The following PRKG1 variants were observed in gnomAD, a reference collection of about 807,000 sequenced individuals.
The protein encoded by PRKG1 is cGMP-dependent protein kinase 1.
PRKG1 carries 35 observed loss-of-function variants against 88.1 expected under a neutral mutation model. The observed-to-expected ratio is 0.40, with a 90% CI of 0.30 to 0.53. PRKG1 has a LOEUF of 0.53. Ranked by LOEUF, PRKG1 falls within the 20% of genes least tolerant of loss-of-function variation. The pLI is 0.59. For missense variants in PRKG1, 540 were observed against 839.8 expected (o/e 0.64, Z 4.41); for synonymous variants, 303 against 292.5 (o/e 1.04, Z -0.37).
intron 9 of PRKG1, among the ~76,000 whole-genome samples, chr10:52,222,258 C>A (rs1023641524): frequency 6.6e-6 from 1 of 152,154 alleles, no homozygotes; most frequent in Non-Finnish European, 1.5e-5. Context: ...CTGCCCCTCT[C>A]CTGCTGTTTG....
chr10:51,682,937 A>G (rs1589193135), intron 3 of PRKG1, among the ~76,000 whole-genome samples: 1 of 152,124 alleles, frequency 6.6e-6, no homozygotes. Flanking sequence ...TCTCTCTTCT[A>G]CCTCTGCAAC....
intron 2 of PRKG1, among the ~76,000 whole-genome samples, chr10:51,316,685 AAAATAAAT>A (rs139669190): frequency 7.3e-5 from 11 of 150,896 alleles, no homozygotes; most frequent in African/African-American, 2.7e-4. Context: ...TCCGTCTCAA[AAAATAAAT>A]AAATAAATAA....
intron 8 of PRKG1, 71 bp from the exon 9 acceptor site, chr10:52,161,818 A>G (rs991697613): frequency 1.6e-6 from 2 of 1,271,638 alleles, no homozygotes; most frequent in African/African-American, 1.5e-5. Flanking sequence ...TTGTTTCACT[A>G]TATCACTGAC....
intron 2 of PRKG1, among the ~76,000 whole-genome samples, chr10:51,275,081 T>C (rs1705600523): frequency 6.6e-6 from 1 of 152,184 alleles, no homozygotes; most frequent in Admixed American, 6.5e-5. Context: ...TGAAATTAAA[T>C]TCGATAGCCA....
rs779720584 is a variant in PRKG1 at position 50,991,545 on chromosome 10, C to G, written c.167C>G (p.Pro56Arg). Reference sequence around the variant, plus strand: ...CCAGTGCCCTCGACCCACATCGGCCCCCGGACCACCCGGGCGCAGGGCATC... The same window carrying G: ...CCAGTGCCCTCGACCCACATCGGCCGCCGGACCACCCGGGCGCAGGGCATC... The change falls in exon 1 of 18, where the codon CCC becomes CGC. Residue 56 changes from proline to arginine, a missense_variant. Pro to Arg is a moderately radical substitution (Grantham distance 103, BLOSUM62 -2). Transcript: ENST00000401604. This position sits in a 1 kb window ranked among gnomAD's most constrained non-coding sequence, Gnocchi z 4.5. 2 of 1,609,458 alleles carry G rather than the reference C, an allele frequency of 1.2e-6. No homozygotes were observed. The highest frequency in any genetic ancestry group is 2.7e-5 in the African/African-American group (2 of 74,692).
chr10:51,945,635 T>G (rs1212136772), intron 5 of PRKG1, among the ~76,000 whole-genome samples: 6 of 151,612 alleles, frequency 4.0e-5, no homozygotes. Context: ...TCAGGAGCTC[T>G]TTTAGGGCAG....
intron 9 of PRKG1, among the ~76,000 whole-genome samples, chr10:52,246,091 A>G (rs1221258368): frequency 6.6e-6 from 1 of 152,142 alleles, no homozygotes; most frequent in Non-Finnish European, 1.5e-5. Context: ...TTGGTTTCCA[A>G]TACATAGGGA....
Position 52,044,594 on chromosome 10 carries a change from A to G in PRKG1, c.763-9890A>G, listed in dbSNP as rs562981220. 3.3e-3 allele frequency among the ~76,000 whole-genome samples: 501 copies of G among 152,286 alleles called. 2 individuals are homozygous for G. The highest frequency in any genetic ancestry group is 5.8e-3 in the Non-Finnish European group (395 of 68,012). On this transcript the variant is annotated intron_variant, in intron 5 of 17. Coordinates refer to ENST00000373980, the MANE Select transcript of PRKG1 (RefSeq NM_006258.4). Reference sequence around the variant, plus strand: ...TATCAAAGTGTTGTTTGTTGTAGTAAGGAATACGTTTTACACTTGGGTCTA... The same window carrying G: ...TATCAAAGTGTTGTTTGTTGTAGTAGGGAATACGTTTTACACTTGGGTCTA...
intron 5 of PRKG1, among the ~76,000 whole-genome samples, chr10:52,049,802 G>A (rs1163677373): frequency 6.6e-6 from 1 of 152,032 alleles, no homozygotes; most frequent in Non-Finnish European, 1.5e-5. Context: ...CCTCATTTGT[G>A]CAATTAGTTT....
At chr10:51,661,998 T>G (rs1840312019) in intron 3 of PRKG1, among the ~76,000 whole-genome samples, 1 of 152,024 alleles carries the variant, frequency 6.6e-6, no homozygotes, top group Non-Finnish European at 1.5e-5. Context: ...GACACCACAT[T>G]TTCTCACTCA....
At chr10:52,224,858 T>C (rs1355520666) in intron 9 of PRKG1, among the ~76,000 whole-genome samples, 2 of 145,500 alleles carry the variant, frequency 1.4e-5, no homozygotes, top group Non-Finnish European at 3.0e-5. Context: ...CATACATATC[T>C]CACAGTTTCT....
intron 4 of PRKG1, among the ~76,000 whole-genome samples, chr10:51,866,493 C>G (rs1299163530): frequency 6.6e-6 from 1 of 151,236 alleles, no homozygotes; most frequent in Non-Finnish European, 1.5e-5. Context: ...CTACTATTAG[C>G]TTAAAGCTTT....
intron 5 of PRKG1, among the ~76,000 whole-genome samples, chr10:51,983,584 C>G (rs531740542): frequency 1.3e-5 from 2 of 152,280 alleles, no homozygotes; most frequent in South Asian, 4.1e-4. Context: ...CCCACAGTTC[C>G]TCTAGGGCTA....
chr10:51,222,457 C>T (rs1203055349), intron 2 of PRKG1, among the ~76,000 whole-genome samples: 2 of 152,042 alleles, frequency 1.3e-5, no homozygotes, highest in Non-Finnish European at 2.9e-5. Flanking sequence ...TCTAATTTGC[C>T]TATGGTCAGA....
At chr10:51,435,693 T>C (rs1838907685) in intron 2 of PRKG1, among the ~76,000 whole-genome samples, 1 of 152,070 alleles carries the variant, frequency 6.6e-6, no homozygotes, top group African/African-American at 2.4e-5. Context: ...GATGCTGTGC[T>C]GGGAGGTGGG....
intron 7 of PRKG1, among the ~76,000 whole-genome samples, chr10:52,109,817 T>C (rs532616908): frequency 2.0e-5 from 3 of 151,872 alleles, no homozygotes; most frequent in African/African-American, 4.9e-5. Flanking sequence ...ATAACAACAA[T>C]AATAATAATA....
intron 3 of PRKG1, among the ~76,000 whole-genome samples, chr10:51,488,319 T>C (rs1840605234): frequency 6.6e-6 from 1 of 152,182 alleles, no homozygotes; most frequent in Non-Finnish European, 1.5e-5. Context: ...GGTTTTTAAA[T>C]GGACTACAAG....
At chr10:52,101,163 T>C (rs904357255) in intron 7 of PRKG1, among the ~76,000 whole-genome samples, 1 of 152,174 alleles carries the variant, frequency 6.6e-6, no homozygotes, top group Non-Finnish European at 1.5e-5. Context: ...AAAAAAAATC[T>C]GAAAATATGC....
intron 5 of PRKG1, among the ~76,000 whole-genome samples, chr10:51,952,893 A>G (rs1195008741): frequency 2.0e-5 from 3 of 152,198 alleles, no homozygotes; most frequent in East Asian, 1.9e-4. Context: ...TTCTGTTGCC[A>G]TGTCTAATAC....
Sources: gnomAD v4.1 joint callset for allele counts (sites outside exome capture counted in the v4.1 genomes callset) on GRCh38, gnomAD v4.1.1 for gene constraint, Gnocchi (gnomAD v3.1) non-coding constraint, MANE v1.5 for transcripts, NCBI Gene and HGNC (gene_info 2026-07-23, HGNC 2026-07-21) for gene names.